The following PC variants were observed in gnomAD, a reference collection of about 807,000 sequenced individuals.
The protein encoded by PC is pyruvate carboxylase, mitochondrial.
In PC, 46 loss-of-function variants were observed where a neutral mutation model predicts 107.8. That is an observed-to-expected ratio of 0.43 (90% CI 0.34 to 0.55). The LOEUF is 0.55. Ranked by LOEUF, PC falls within the 20% of genes least tolerant of loss-of-function variation. The probability of loss-of-function intolerance (pLI) is 0.04; values close to 1 mark genes in which losing one functional copy is unlikely to be tolerated. For synonymous variants in PC, 662 were observed against 684.7 expected (o/e 0.97, Z 0.52); for missense variants, 1,241 against 1,643.1 (o/e 0.76, Z 4.23).
At chr11:66,869,826 C>T (rs770107961) in intron 9 of PC, among the ~76,000 whole-genome samples, 4 of 152,156 alleles carry the variant, frequency 2.6e-5, no homozygotes, top group Admixed American at 6.5e-5. Context: ...CAGGACCCCC[C>T]GACCAGAGGT....
chr11:66,850,801 G>A lies in PC; in HGVS notation c.2346C>T (p.Ala782=), dbSNP rs750373413. ...CTCCAGCCTGGGCACAGGCCAGCAT[G>A]GCTGCCACGCCTGCCCCTGACGTGT... ...THDTSGAGVA[A]MLACAQAGAD... is the part of the protein sequence containing the mutation. Residue 782 remains alanine (A), a synonymous_variant, in exon 18 of 23, where the codon GCC becomes GCT. Coordinates refer to ENST00000393960, the MANE Select transcript of PC (RefSeq NM_001040716.2). The A allele has an allele frequency of 1.2e-6, 2 of 1,611,634 alleles. No homozygotes were observed. Among genetic ancestry groups the A allele is most frequent in the East Asian group, 2.2e-5 (1 of 44,890 alleles).
chr11:66,909,895 T>C (rs746018), intron 3 of PC, among the ~76,000 whole-genome samples: 78,568 of 151,840 alleles, frequency 0.52, 20,652 homozygotes, highest in Non-Finnish European at 0.55. Flanking sequence ...CAGTTTGGTA[T>C]GGCTGGAACA....
At chr11:66,851,314 AC>A (rs746828915) in intron 16 of PC, 34 bp from the exon 17 acceptor site, 1 of 1,599,270 alleles carries the variant, frequency 6.3e-7, no homozygotes, top group Non-Finnish European at 8.5e-7. Flanking sequence ...GCTGAGCCCC[AC>A]CCCACCTCCC....
At chr11:66,916,707 C>T (rs1279000357) in intron 3 of PC, among the ~76,000 whole-genome samples, 2 of 152,148 alleles carry the variant, frequency 1.3e-5, no homozygotes, top group African/African-American at 4.8e-5. Flanking sequence ...GTAATCCCAG[C>T]ACTTCGGGAG....
chr11:66,849,857 T>C lies in PC; in HGVS notation c.2901A>G (p.Val967=), dbSNP rs1257430084. The part of the protein sequence containing the change: ...GGFPEPFRSK[V]LKDLPRVEGR... ...CCTCCACCCTTGGCAGGTCCTTCAG[T>C]ACCTGGGGAGCAAAGCAGAGGATCA... Residue 967 remains valine, a splice_region_variant and synonymous_variant, in exon 21 of 23, where the codon GTA becomes GTG. Transcript: ENST00000393960. 6.2e-7 allele frequency: 1 copy of C among 1,613,732 alleles called. No individual in the cohort carries two copies. The highest frequency in any genetic ancestry group is 8.5e-7 in the Non-Finnish European group (1 of 1,180,006).
chr11:66,903,837 T>A lies in PC; in HGVS notation c.1-31678A>T, dbSNP rs181156074. Among the ~76,000 whole-genome samples, 661 of 145,840 alleles carry A rather than the reference T, an allele frequency of 4.5e-3. 4 individuals are homozygous for A. Among genetic ancestry groups the A allele is most frequent in the African/African-American group, 0.016 (606 of 38,784 alleles). On this transcript the variant is annotated intron_variant, in intron 3 of 22. Transcript: ENST00000393960. ...ACACACATATATACATTTTTTTTTTTTTTATTTAGAGACAGAGTCTCACTT... is the reference window on the plus strand; with the variant it reads ...ACACACATATATACATTTTTTTTTTATTTATTTAGAGACAGAGTCTCACTT...
chr11:66,872,249 C>A (rs529127690), intron 3 of PC, 90 bp from the exon 4 acceptor site: 14 of 1,435,760 alleles, frequency 9.8e-6, no homozygotes, highest in Non-Finnish European at 1.1e-5. Context: ...CCCACAGTGG[C>A]CCCACAGAAA....
chr11:66,930,295 G>C (rs1257706100), intron 3 of PC, among the ~76,000 whole-genome samples: 1 of 152,150 alleles, frequency 6.6e-6, no homozygotes, highest in Non-Finnish European at 1.5e-5. Context: ...AAAATACTCA[G>C]TGCTCCTACT....
Position 66,853,398 on chromosome 11 carries a change from C to T in PC, c.1369-15G>A, listed in dbSNP as rs774625534. The T allele has an allele frequency of 2.4e-5, 36 of 1,490,580 alleles. No homozygotes were observed. Among genetic ancestry groups the T allele is most frequent in the Middle Eastern group, 1.8e-4 (1 of 5,506 alleles). The allele number at this position is 1,490,580 out of a possible 1,614,324, so 92.3% of individuals were successfully genotyped here. ...GCGATGTTGGTCTGCAGGACAGAGG[C>T]GGGTGGGAGGGGGTCACCATGCAGC... On this transcript the variant is annotated splice_polypyrimidine_tract_variant and intron_variant, in intron 12 of 22. Coordinates refer to ENST00000393960, the MANE Select transcript of PC (RefSeq NM_001040716.2).
intron 12 of PC, chr11:66,856,641 G>C (rs1945853287): frequency 6.6e-6 from 1 of 152,598 alleles, no homozygotes; most frequent in Non-Finnish European, 1.5e-5. Context: ...CCTGCCCGTG[G>C]GTGCAGGGAC....
intron 3 of PC, among the ~76,000 whole-genome samples, chr11:66,917,219 G>A (rs918999598): frequency 1.6e-4 from 25 of 151,754 alleles, no homozygotes; most frequent in African/African-American, 5.1e-4. Context: ...TTACAGGGGC[G>A]CGCCATCACA....
At chr11:66,887,720 C>A (rs559150108) in intron 3 of PC, among the ~76,000 whole-genome samples, 2 of 152,188 alleles carry the variant, frequency 1.3e-5, no homozygotes, top group Non-Finnish European at 2.9e-5. Context: ...GACTGAAGGA[C>A]GCGTATCCAT....
intron 22 of PC, 29 bp from the exon 23 acceptor site, chr11:66,849,176 C>T (rs746822762): frequency 3.1e-6 from 5 of 1,613,764 alleles, no homozygotes; most frequent in Non-Finnish European, 4.2e-6. Context: ...GGGGACATGA[C>T]ATCCTGGGCC....
chr11:66,893,133 C>A (rs71457747), intron 3 of PC, among the ~76,000 whole-genome samples: 4,466 of 152,256 alleles, frequency 0.029, 88 homozygotes, highest in Non-Finnish European at 0.046. Flanking sequence ...CAGTGAGGAC[C>A]CCCACTGTGA....
chr11:66,849,050 G>T lies in PC; in HGVS notation c.3386C>A (p.Ala1129Asp), dbSNP rs141118314. ...CAGGGGCTGGCCCTTGGCCACCTTG[G>T]CCCCTGCCACCACTTTGATGTCTAT... ...KVIDIKVVAG[A>D]KVAKGQPLCV... The change falls in exon 23 of 23, where the codon GCC becomes GAC. Residue 1129 changes from alanine (A) to aspartate (D), a missense_variant. Physicochemically the swap from Ala to Asp is moderately radical, Grantham distance 126. Coordinates refer to ENST00000393960, the MANE Select transcript of PC (RefSeq NM_001040716.2). 5 of 1,613,922 alleles carry T rather than the reference G, an allele frequency of 3.1e-6. No individual in the cohort carries two copies. The highest frequency in any genetic ancestry group is 1.1e-5 in the South Asian group (1 of 91,090).
Position 66,866,277 on chromosome 11 carries a change from C to T in PC, c.1095G>A (p.Glu365=). The T allele has an allele frequency of 6.2e-7, 1 of 1,613,112 alleles. No homozygotes were observed. Among genetic ancestry groups the T allele is most frequent in the Non-Finnish European group, 8.5e-7 (1 of 1,179,894 alleles). Residue 365 remains glutamate, a synonymous_variant, in exon 11 of 23, where the codon GAG becomes GAA. Transcript: ENST00000393960. This position sits in a 1 kb window ranked among gnomAD's most constrained non-coding sequence, Gnocchi z 5.4. ...RSLPDLGLRQ[E]NIRINGCAIQ... ...TGGCACACCCGTTGATGCGGATGTT[C>T]TCCTGCCGCAGGCCCAGGTCGGGTA...
At chr11:66,951,931 C>A (rs1334703022) in intron 3 of PC, among the ~76,000 whole-genome samples, 1 of 151,804 alleles carries the variant, frequency 6.6e-6, no homozygotes, top group East Asian at 1.9e-4. Context: ...GGTGTGGTGG[C>A]ACATGCCTGT....
At chr11:66,900,831 G>A (rs942842049) in intron 3 of PC, among the ~76,000 whole-genome samples, 1 of 151,980 alleles carries the variant, frequency 6.6e-6, no homozygotes, top group Non-Finnish European at 1.5e-5. Context: ...TTGGCATACT[G>A]ATCTTATGTC....
chr11:66,865,528 G>A (rs1380364036), intron 11 of PC, among the ~76,000 whole-genome samples: 1 of 152,200 alleles, frequency 6.6e-6, no homozygotes, highest in African/African-American at 2.4e-5. Flanking sequence ...CAATGACTGG[G>A]TCCCGGTGCT....
Sources: allele counts gnomAD v4.1 joint callset (sites outside exome capture counted in the v4.1 genomes callset), GRCh38; gene constraint gnomAD v4.1.1; non-coding constraint Gnocchi (gnomAD v3.1); transcripts MANE v1.5; gene names NCBI Gene and HGNC (gene_info 2026-07-23, HGNC 2026-07-21).